The following RAI2 variants were observed in gnomAD, a reference collection of about 807,000 sequenced individuals.
The protein encoded by RAI2 is retinoic acid induced 2.
A neutral mutation model predicts 15.3 loss-of-function variants in RAI2; 5 were observed. The observed-to-expected ratio is 0.33, with a 90% CI of 0.17 to 0.69. The LOEUF (loss-of-function observed/expected upper bound fraction) is 0.69, where lower values mean the gene tolerates loss of function less well. Among genes scored for constraint, RAI2 ranks in the 30% least tolerant of loss-of-function variants. The pLI is 0.69. For missense variants in RAI2, 424 were observed against 424.7 expected (o/e 1.00, Z 0.01); for synonymous variants, 191 against 184.0 (o/e 1.04, Z -0.31).
chrX:17,806,916 G>T (rs1460299331), intron 1 of RAI2, among the ~76,000 whole-genome samples: 1 of 110,285 alleles, frequency 9.1e-6, no homozygotes, highest in African/African-American at 3.3e-5. Context: ...GAACTCTATC[G>T]TAAGAACAGC....
intron 1 of RAI2, among the ~76,000 whole-genome samples, chrX:17,852,594 C>T (rs1356343805): frequency 1.8e-5 from 2 of 111,777 alleles, no homozygotes; most frequent in African/African-American, 6.5e-5. Context: ...CATGTATGGG[C>T]AGGGCATGGT....
intron 1 of RAI2, among the ~76,000 whole-genome samples, chrX:17,813,553 T>C (rs990065901): frequency 9.0e-6 from 1 of 111,251 alleles, no homozygotes; most frequent in Non-Finnish European, 1.9e-5. Flanking sequence ...GCGGGGCCCA[T>C]TGGAAGGCAC....
Position 17,800,424 on chromosome X carries a change from T to C in RAI2, c.1587A>G (p.Arg529=). The part of the protein sequence containing the change: ...KKQRLATFFP[R]K Reference sequence around the variant, plus strand: ...AATTTTAAAAAGCCGTTATTTACTTTCTTGGAAAAAAGGTGGCCAGCCGTT... The same window carrying C: ...AATTTTAAAAAGCCGTTATTTACTTCCTTGGAAAAAAGGTGGCCAGCCGTT... Residue 529 remains arginine, a synonymous_variant, in exon 2 of 2, where the codon AGA becomes AGG. Transcript: ENST00000451717. 8.5e-7 allele frequency: 1 copy of C among 1,182,881 alleles called. No individual in the cohort carries two copies. Among genetic ancestry groups the C allele is most frequent in the Non-Finnish European group, 1.1e-6 (1 of 881,724 alleles).
At chrX:17,823,626 G>A (rs964877968) in intron 1 of RAI2, among the ~76,000 whole-genome samples, 1 of 111,675 alleles carries the variant, frequency 9.0e-6, no homozygotes, top group Non-Finnish European at 1.9e-5. Context: ...GGTGGAGAGG[G>A]ACAATCAACT....
chrX:17,830,230 A>T (rs1200864044), intron 1 of RAI2, among the ~76,000 whole-genome samples: 1 of 112,624 alleles, frequency 8.9e-6, no homozygotes, highest in East Asian at 2.8e-4. Context: ...GCTTGCACAC[A>T]GTAGGTCCTC....
intron 1 of RAI2, among the ~76,000 whole-genome samples, chrX:17,860,010 G>A (rs1311368775): frequency 8.9e-6 from 1 of 112,226 alleles, no homozygotes; most frequent in East Asian, 2.8e-4. Context: ...TGCCACAAAA[G>A]GAATATTCAT....
At chrX:17,842,655 GAA>G (rs780365815) in intron 1 of RAI2, among the ~76,000 whole-genome samples, 13 of 66,375 alleles carry the variant, frequency 2.0e-4, no homozygotes, top group Admixed American at 7.1e-4. Context: ...ATATGTATAG[GAA>G]AAAAAAAAAA....
intron 1 of RAI2, among the ~76,000 whole-genome samples, chrX:17,856,312 G>A (rs1213242971): frequency 4.5e-5 from 5 of 111,861 alleles, no homozygotes; most frequent in South Asian, 3.7e-4. Flanking sequence ...AATCCCCAAC[G>A]TGATGGTATT....
chrX:17,855,357 G>C (rs767796860), intron 1 of RAI2, among the ~76,000 whole-genome samples: 1 of 112,011 alleles, frequency 8.9e-6, no homozygotes, highest in East Asian at 2.8e-4. Context: ...TAGAGCAGGT[G>C]TCAAGGAATT....
intron 1 of RAI2, among the ~76,000 whole-genome samples, chrX:17,817,213 G>T (rs1219762270): frequency 9.0e-6 from 1 of 111,077 alleles, no homozygotes; most frequent in Non-Finnish European, 1.9e-5. Flanking sequence ...AGTGCTGGGG[G>T]CAGGCAGGCT....
chrX:17,823,590 A>G (rs775425837), intron 1 of RAI2, among the ~76,000 whole-genome samples: 20 of 111,610 alleles, frequency 1.8e-4, no homozygotes, highest in Non-Finnish European at 3.2e-4. Flanking sequence ...CAGGATTTTC[A>G]TCAGGCTAGA....
intron 1 of RAI2, among the ~76,000 whole-genome samples, chrX:17,837,122 G>A (rs2067343901): frequency 8.9e-6 from 1 of 111,737 alleles, no homozygotes; most frequent in African/African-American, 3.3e-5. Context: ...ATGCTTCCAG[G>A]GCCAGTACTG....
chrX:17,821,544 G>A (rs966679896), intron 1 of RAI2, among the ~76,000 whole-genome samples: 1 of 110,348 alleles, frequency 9.1e-6, no homozygotes, highest in Non-Finnish European at 1.9e-5. Flanking sequence ...AAGGAGGTGT[G>A]TGTGTGTGTT....
intron 1 of RAI2, among the ~76,000 whole-genome samples, chrX:17,805,266 A>T (rs2066964297): frequency 8.9e-6 from 1 of 112,960 alleles, no homozygotes; most frequent in South Asian, 3.6e-4. Context: ...GGCATGCAGG[A>T]AACAGTATGA....
intron 1 of RAI2, among the ~76,000 whole-genome samples, chrX:17,846,962 G>C (rs1184273839): frequency 8.9e-6 from 1 of 111,827 alleles, no homozygotes; most frequent in African/African-American, 3.3e-5. Flanking sequence ...CAAGAGATTT[G>C]ATGGTTTTAT....
At chrX:17,851,235 C>A (rs1325971209) in intron 1 of RAI2, among the ~76,000 whole-genome samples, 1 of 112,387 alleles carries the variant, frequency 8.9e-6, no homozygotes, top group Non-Finnish European at 1.9e-5. Context: ...GATCTTAGAA[C>A]AAATGGCCCC....
intron 1 of RAI2, among the ~76,000 whole-genome samples, chrX:17,840,417 C>T (rs1320390112): frequency 9.0e-6 from 1 of 110,754 alleles, no homozygotes; most frequent in Non-Finnish European, 1.9e-5. Context: ...TTGCATCTAT[C>T]GGTGTAAAAT....
chrX:17,829,247 C>T (rs1203048805), intron 1 of RAI2, among the ~76,000 whole-genome samples: 3 of 91,546 alleles, frequency 3.3e-5, no homozygotes, highest in African/African-American at 8.6e-5. Context: ...AAGGCATGTG[C>T]TGAGATGTGA....
At chrX:17,841,966 G>T (rs1010398347) in intron 1 of RAI2, among the ~76,000 whole-genome samples, 3 of 112,054 alleles carry the variant, frequency 2.7e-5, no homozygotes, top group Non-Finnish European at 5.6e-5. Flanking sequence ...GGGCCCCAAG[G>T]GCTCTTTATT....
Sources: allele counts gnomAD v4.1 joint callset (sites outside exome capture counted in the v4.1 genomes callset), GRCh38; gene constraint gnomAD v4.1.1; transcripts MANE v1.5; gene names NCBI Gene and HGNC (gene_info 2026-07-23, HGNC 2026-07-21).